PARD3B: variants seen among roughly 807,000 people sequenced by gnomAD.
PARD3B encodes partitioning defective 3 homolog B.
In PARD3B, 103 loss-of-function variants were observed where a neutral mutation model predicts 130.2. That is an observed-to-expected ratio of 0.79 (90% CI 0.67 to 0.93). The LOEUF is 0.93. Ranked by LOEUF, PARD3B falls within the 40% of genes least tolerant of loss-of-function variation. PARD3B has a pLI of 0.00. For missense variants in PARD3B, 1,609 were observed against 1,499.2 expected (o/e 1.07, Z -1.21); for synonymous variants, 583 against 553.2 (o/e 1.05, Z -0.76).
chr2:205,152,648 C>A (rs1181689734), intron 10 of PARD3B, among the ~76,000 whole-genome samples: 1 of 152,074 alleles, frequency 6.6e-6, no homozygotes, highest in Non-Finnish European at 1.5e-5. Flanking sequence ...TCTAGTTAGC[C>A]ATTCGTCTAA....
At chr2:204,679,535 G>C (rs1402110001) in intron 1 of PARD3B, among the ~76,000 whole-genome samples, 1 of 151,986 alleles carries the variant, frequency 6.6e-6, no homozygotes, top group African/African-American at 2.4e-5. Flanking sequence ...ACAATAGTGA[G>C]CTTTTCAATC....
intron 2 of PARD3B, among the ~76,000 whole-genome samples, chr2:204,716,686 G>A (rs890520949): frequency 2.0e-5 from 3 of 147,912 alleles, no homozygotes; most frequent in African/African-American, 5.0e-5. Context: ...ACAGTGGCGC[G>A]ATCTCGGCTC....
chr2:204,968,684 G>A (rs1691455195), intron 3 of PARD3B, among the ~76,000 whole-genome samples: 2 of 152,170 alleles, frequency 1.3e-5, no homozygotes, highest in African/African-American at 4.8e-5. Flanking sequence ...TTAAGTTCAA[G>A]CTCAAATATG....
At chr2:204,940,051 T>G (rs991392744) in intron 2 of PARD3B, among the ~76,000 whole-genome samples, 2 of 152,206 alleles carry the variant, frequency 1.3e-5, no homozygotes, top group East Asian at 3.8e-4. Flanking sequence ...CAATGATCCT[T>G]TTGGAAAAAT....
At chr2:205,508,910 A>G (rs577513643) in intron 21 of PARD3B, among the ~76,000 whole-genome samples, 237 of 152,334 alleles carry the variant, frequency 1.6e-3, no homozygotes, top group Non-Finnish European at 2.6e-3. Context: ...TTCAGCAAGT[A>G]GTAAAACAAA....
chr2:204,948,965 G>GTTT (rs1381730669), intron 2 of PARD3B, among the ~76,000 whole-genome samples: 1 of 152,080 alleles, frequency 6.6e-6, no homozygotes, highest in Non-Finnish European at 1.5e-5. Context: ...AACTGTACTG[G>GTTT]TTTTCTAGAG....
chr2:204,919,527 CTTTG>C (rs1481045596), intron 2 of PARD3B, among the ~76,000 whole-genome samples: 2 of 152,088 alleles, frequency 1.3e-5, no homozygotes, highest in African/African-American at 4.8e-5. Context: ...TATAAGGCTT[CTTTG>C]TTCAGCATGT....
chr2:205,132,550 C>T (rs1281858940), intron 10 of PARD3B, among the ~76,000 whole-genome samples: 3 of 152,092 alleles, frequency 2.0e-5, no homozygotes, highest in African/African-American at 7.2e-5. Context: ...CTTCCTTGAA[C>T]CCCCAAGTCT....
intron 2 of PARD3B, among the ~76,000 whole-genome samples, chr2:204,712,319 T>G (rs538641468): frequency 6.6e-6 from 1 of 151,992 alleles, no homozygotes; most frequent in Admixed American, 6.6e-5. Flanking sequence ...CTGACATTGT[T>G]AAAATTAAAT....
intron 1 of PARD3B, among the ~76,000 whole-genome samples, chr2:204,575,857 T>C (rs1189971691): frequency 6.6e-6 from 1 of 152,198 alleles, no homozygotes. Context: ...CCCTTAGATA[T>C]AAGCCCCTGT....
intron 16 of PARD3B, among the ~76,000 whole-genome samples, chr2:205,257,241 G>T (rs1399945699): frequency 2.0e-5 from 3 of 151,718 alleles, no homozygotes; most frequent in African/African-American, 7.3e-5. Context: ...ATACCCCTAC[G>T]AAACAGCTTA....
intron 22 of PARD3B, among the ~76,000 whole-genome samples, chr2:205,586,026 G>GA (rs1343831222): frequency 6.6e-6 from 1 of 152,172 alleles, no homozygotes; most frequent in Non-Finnish European, 1.5e-5. Context: ...TTCCAGGGCA[G>GA]AAAAAAGATT....
At chr2:204,592,499 G>A (rs921669346) in intron 1 of PARD3B, among the ~76,000 whole-genome samples, 12 of 152,124 alleles carry the variant, frequency 7.9e-5, no homozygotes, top group African/African-American at 2.2e-4. Context: ...AAAATAGGCA[G>A]CTATACCACT....
Position 204,995,029 on chromosome 2 carries a change from T to C in PARD3B, c.394+29706T>C, listed in dbSNP as rs1694036024. 3.3e-5 allele frequency among the ~76,000 whole-genome samples: 5 copies of C among 151,436 alleles called. No individual in the cohort carries two copies. The South Asian group carries it at 1.0e-3, about 32-fold the overall frequency. The stretch of plus-strand genomic sequence containing the variant: ...AGCACACTGATGGGTCTTGACTCTT[T>C]ATCCAACTTGCCAGTCTGTGTCTTT... On this transcript the variant is annotated intron_variant, in intron 3 of 22. Coordinates refer to ENST00000406610, the MANE Select transcript of PARD3B (RefSeq NM_001302769.2).
intron 2 of PARD3B, among the ~76,000 whole-genome samples, chr2:204,891,321 T>C (rs1333789413): frequency 6.6e-6 from 1 of 152,094 alleles, no homozygotes; most frequent in Non-Finnish European, 1.5e-5. Context: ...CTGATTAGCA[T>C]GGAGATGATA....
chr2:205,549,053 A>C (rs1055937561), intron 21 of PARD3B, among the ~76,000 whole-genome samples: 1 of 152,188 alleles, frequency 6.6e-6, no homozygotes, highest in African/African-American at 2.4e-5. Context: ...AGGAAATGGC[A>C]AAACAGCAAT....
chr2:205,095,357 T>G (rs1004619808), intron 4 of PARD3B, among the ~76,000 whole-genome samples: 2 of 152,144 alleles, frequency 1.3e-5, no homozygotes, highest in East Asian at 3.9e-4. Context: ...TCAGCACTTT[T>G]GAAATGTGTT....
chr2:205,098,375 T>G (rs1461938483), intron 4 of PARD3B, among the ~76,000 whole-genome samples: 1 of 152,176 alleles, frequency 6.6e-6, no homozygotes, highest in African/African-American at 2.4e-5. Context: ...GGAAAAATCA[T>G]GGCCATATAT....
At chr2:205,245,664 A>T in intron 15 of PARD3B, 114 bp from the exon 16 acceptor site, 1 of 806,976 alleles carries the variant, frequency 1.2e-6, no homozygotes, top group Non-Finnish European at 1.9e-6. Context: ...ATGTTTCTCA[A>T]ATCTCTGCCA....
Sources: gnomAD v4.1 joint callset for allele counts (sites outside exome capture counted in the v4.1 genomes callset) on GRCh38, gnomAD v4.1.1 for gene constraint, MANE v1.5 for transcripts, NCBI Gene and HGNC (gene_info 2026-07-23, HGNC 2026-07-21) for gene names.